AGPS: variants seen among roughly 807,000 people sequenced by gnomAD.
The protein encoded by AGPS is alkylglycerone phosphate synthase.
A neutral mutation model predicts 90.7 loss-of-function variants in AGPS; 26 were observed. The ratio of observed to expected loss-of-function variants is 0.29; its 90% CI spans 0.21 to 0.40. AGPS has a LOEUF of 0.40. Ranked by LOEUF, AGPS falls within the 10% of genes least tolerant of loss-of-function variation. AGPS has a pLI of 1.00. For synonymous variants in AGPS, 294 were observed against 285.3 expected, an observed-to-expected ratio of 1.03 and a Z score of -0.31; for missense variants, 540 against 816.1, an observed-to-expected ratio of 0.66 and a Z score of 4.12.
chr2:177,411,284 C>G (rs1685613353), intron 1 of AGPS, among the ~76,000 whole-genome samples: 2 of 152,196 alleles, frequency 1.3e-5, no homozygotes, highest in South Asian at 4.1e-4. Context: ...TGACAGAGAG[C>G]TATGCTTCCT....
chr2:177,505,813 G>T (rs754717840), intron 15 of AGPS, among the ~76,000 whole-genome samples: 8 of 151,852 alleles, frequency 5.3e-5, no homozygotes, highest in Non-Finnish European at 1.0e-4. Context: ...CTCTTTAAAA[G>T]AATGGAGCCT....
intron 12 of AGPS, among the ~76,000 whole-genome samples, chr2:177,495,745 T>TAAAAA (rs375905234): frequency 7.1e-6 from 1 of 140,178 alleles, no homozygotes; most frequent in Non-Finnish European, 1.5e-5. Flanking sequence ...CTGTCTCTAC[T>TAAAAA]AAAAAAAAAA....
At chr2:177,432,827 T>C (rs934039312) in intron 2 of AGPS, among the ~76,000 whole-genome samples, 4 of 152,180 alleles carry the variant, frequency 2.6e-5, no homozygotes, top group African/African-American at 9.7e-5. Flanking sequence ...CTCAAGCTGC[T>C]TCCAGTCCTG....
intron 11 of AGPS, among the ~76,000 whole-genome samples, chr2:177,488,392 A>G (rs942728623): frequency 1.1e-4 from 16 of 151,748 alleles, no homozygotes; most frequent in Admixed American, 3.3e-4. Context: ...TTGTTTTTGT[A>G]TTTTTAGTAG....
intron 10 of AGPS, among the ~76,000 whole-genome samples, chr2:177,478,532 T>C (rs1687853156): frequency 6.6e-6 from 1 of 152,176 alleles, no homozygotes; most frequent in African/African-American, 2.4e-5. Flanking sequence ...GCACCATCCA[T>C]TGTTTTCTCT....
chr2:177,533,077 G>T (rs886633447), intron 19 of AGPS, among the ~76,000 whole-genome samples: 1 of 152,186 alleles, frequency 6.6e-6, no homozygotes, highest in African/African-American at 2.4e-5. Context: ...ATAGCTACCA[G>T]ATGAGTTTAG....
rs1239670182 is a variant in AGPS at position 177,436,759 on chromosome 2, T to C, written c.442-5T>C. ...TAAGTCAAAGAAATCAATTTTATTT[T>C]CTAGGCATCCTTAAATCCTAGTGAT... On this transcript the variant is annotated splice_region_variant and splice_polypyrimidine_tract_variant and intron_variant, in intron 3 of 19. Transcript: ENST00000264167. The C allele has an allele frequency of 6.2e-7, 1 of 1,610,678 alleles. No individual in the cohort carries two copies. Among genetic ancestry groups the C allele is most frequent in the African/African-American group, 1.3e-5 (1 of 74,834 alleles).
At chr2:177,409,118 T>C (rs977582801) in intron 1 of AGPS, among the ~76,000 whole-genome samples, 2 of 151,940 alleles carry the variant, frequency 1.3e-5, no homozygotes, top group African/African-American at 4.8e-5. Context: ...GAAGCAAAGA[T>C]AGCAATCCCA....
chr2:177,461,366 C>T (rs556359199), intron 8 of AGPS, among the ~76,000 whole-genome samples: 12 of 152,190 alleles, frequency 7.9e-5, no homozygotes, highest in South Asian at 4.1e-4. Flanking sequence ...GGAAACCTAT[C>T]CAGATGCCTG....
chr2:177,492,228 A>G (rs2105704519), intron 11 of AGPS, among the ~76,000 whole-genome samples: 1 of 152,328 alleles, frequency 6.6e-6, no homozygotes, highest in Admixed American at 6.5e-5. Context: ...TGTTTTTGTT[A>G]TGAATGACAG....
At chr2:177,436,440 G>A (rs910294192) in intron 3 of AGPS, among the ~76,000 whole-genome samples, 61 of 152,062 alleles carry the variant, frequency 4.0e-4, no homozygotes, top group African/African-American at 2.4e-4. Flanking sequence ...GTGAGCCACT[G>A]CACCCGGCCA....
chr2:177,396,403 A>C (rs1309858926), intron 1 of AGPS, among the ~76,000 whole-genome samples: 1 of 152,200 alleles, frequency 6.6e-6, no homozygotes. Flanking sequence ...GCTGGAGTGG[A>C]GACAGTGAAC....
intron 8 of AGPS, among the ~76,000 whole-genome samples, chr2:177,457,878 A>C (rs1175535159): frequency 6.6e-6 from 1 of 152,198 alleles, no homozygotes; most frequent in Non-Finnish European, 1.5e-5. Context: ...CAGAGACACA[A>C]CAAAAAAAGA....
At chr2:177,469,509 C>G (rs964840697) in intron 10 of AGPS, among the ~76,000 whole-genome samples, 1 of 152,024 alleles carries the variant, frequency 6.6e-6, no homozygotes, top group African/African-American at 2.4e-5. Flanking sequence ...AATGACAGAC[C>G]TTTGTCAAGA....
intron 6 of AGPS, 123 bp from the exon 7 acceptor site, chr2:177,442,284 G>T: frequency 1.3e-6 from 1 of 778,992 alleles, no homozygotes; most frequent in South Asian, 1.4e-5. Flanking sequence ...ATTTTGCAAA[G>T]TATTAATAGG....
chr2:177,393,177 A>G lies in AGPS; in HGVS notation c.260+128A>G, dbSNP rs1161274175. ...GGAAGGCATCCCGGTCCCTGAAAGT[A>G]GGGACCCACCTCTCTTTCGAGAGAG... On this transcript the variant is annotated intron_variant, in intron 1 of 19. Coordinates refer to ENST00000264167, the MANE Select transcript of AGPS (RefSeq NM_003659.4). 1.9e-6 allele frequency: 3 copies of G among 1,546,204 alleles called. No individual in the cohort carries two copies. In the East Asian group the frequency reaches 7.3e-5, roughly 38 times the overall value.
At chr2:177,502,375 GCAGATTACT>G (rs747713744) in intron 14 of AGPS, among the ~76,000 whole-genome samples, 2 of 147,508 alleles carry the variant, frequency 1.4e-5, no homozygotes, top group Non-Finnish European at 3.0e-5. Flanking sequence ...TTGTTATTTG[GCAGATTACT>G]TAGATTACTT....
At chr2:177,424,286 A>G (rs1167721884) in intron 2 of AGPS, among the ~76,000 whole-genome samples, 1 of 152,194 alleles carries the variant, frequency 6.6e-6, no homozygotes, top group Non-Finnish European at 1.5e-5. Flanking sequence ...TGCAAAGGAC[A>G]TGATTGTGTT....
chr2:177,394,790 T>C (rs1431469155), intron 1 of AGPS, among the ~76,000 whole-genome samples: 1 of 152,020 alleles, frequency 6.6e-6, no homozygotes, highest in Non-Finnish European at 1.5e-5. Flanking sequence ...TTGAAAAAAA[T>C]AGAGTTAAAT....
Sources: gnomAD v4.1 joint callset for allele counts (sites outside exome capture counted in the v4.1 genomes callset) on GRCh38, gnomAD v4.1.1 for gene constraint, MANE v1.5 for transcripts, NCBI Gene and HGNC (gene_info 2026-07-23, HGNC 2026-07-21) for gene names.